Variants in RARB observed in about 807,000 individuals in gnomAD.
The protein encoded by RARB is retinoic acid receptor beta.
A neutral mutation model predicts 51.9 loss-of-function variants in RARB; 17 were observed. That is an observed-to-expected ratio of 0.33 (90% CI 0.22 to 0.49). RARB has a LOEUF of 0.49. Ranked by LOEUF, RARB falls within the 20% of genes least tolerant of loss-of-function variation. The pLI, the probability that RARB is intolerant of heterozygous loss-of-function variation, is 0.99. For missense variants in RARB, 369 were observed against 550.8 expected (o/e 0.67, Z 3.30); for synonymous variants, 215 against 195.4 (o/e 1.10, Z -0.84).
chr3:24,927,786 G>C (rs138883496), intron 2 of RARB, among the ~76,000 whole-genome samples: 378 of 152,036 alleles, frequency 2.5e-3, no homozygotes, highest in Non-Finnish European at 4.8e-3. Flanking sequence ...AGCCGATTTT[G>C]GCATGCATTC....
intron 1 of RARB, among the ~76,000 whole-genome samples, chr3:24,858,052 T>C (rs61318235): frequency 0.064 from 9,800 of 152,246 alleles, 1,065 homozygotes; most frequent in African/African-American, 0.22. Context: ...ATTATATTCT[T>C]TGAATAAAAG....
chr3:25,580,215 A>C (rs113594932), intron 4 of RARB, among the ~76,000 whole-genome samples: 1,741 of 152,320 alleles, frequency 0.011, 29 homozygotes, highest in African/African-American at 0.038. Context: ...TCTGCTAAAA[A>C]TACAAAAGGT....
chr3:25,375,598 A>G (rs1301388462), intron 5 of RARB, among the ~76,000 whole-genome samples: 1 of 152,202 alleles, frequency 6.6e-6, no homozygotes, highest in Non-Finnish European at 1.5e-5. Context: ...TATATAGGTC[A>G]AACAGTGAAT....
chr3:24,916,736 A>C (rs987758706), intron 2 of RARB, among the ~76,000 whole-genome samples: 1 of 135,334 alleles, frequency 7.4e-6, no homozygotes, highest in Non-Finnish European at 1.5e-5. Flanking sequence ...ATTCTATGGC[A>C]TTGCAGTCTC....
At chr3:24,954,387 G>A (rs1026770659) in intron 2 of RARB, among the ~76,000 whole-genome samples, 1 of 152,198 alleles carries the variant, frequency 6.6e-6, no homozygotes, top group Non-Finnish European at 1.5e-5. Context: ...CAAGCTGACA[G>A]CCTGAAAAAA....
At chr3:24,897,000 G>A (rs910651292) in intron 2 of RARB, among the ~76,000 whole-genome samples, 6 of 152,138 alleles carry the variant, frequency 3.9e-5, no homozygotes, top group Non-Finnish European at 8.8e-5. Context: ...AGCCATTGTC[G>A]GTAACTTTAG....
intron 2 of RARB, among the ~76,000 whole-genome samples, chr3:24,981,892 G>T (rs1490136016): frequency 6.6e-6 from 1 of 152,140 alleles, no homozygotes; most frequent in Non-Finnish European, 1.5e-5. Flanking sequence ...CTGTAGACCA[G>T]AGCTATTCCT....
At chr3:24,915,363 A>T (rs978847114) in intron 2 of RARB, among the ~76,000 whole-genome samples, 1 of 152,210 alleles carries the variant, frequency 6.6e-6, no homozygotes, top group Non-Finnish European at 1.5e-5. Context: ...ATTAAAATTT[A>T]ACTGGCATGT....
chr3:25,070,497 T>G (rs1397644280), intron 3 of RARB, among the ~76,000 whole-genome samples: 2 of 151,402 alleles, frequency 1.3e-5, no homozygotes, highest in Non-Finnish European at 2.9e-5. Context: ...GACTCTTAGG[T>G]GCTGTTGGAG....
intron 2 of RARB, among the ~76,000 whole-genome samples, chr3:24,910,023 G>C (rs1158686889): frequency 1.3e-5 from 2 of 152,236 alleles, no homozygotes; most frequent in Non-Finnish European, 1.5e-5. Context: ...TTATTGAAAA[G>C]CTCCTACATA....
chr3:25,365,291 T>C (rs1706083236), intron 5 of RARB, among the ~76,000 whole-genome samples: 1 of 150,428 alleles, frequency 6.6e-6, no homozygotes, highest in Non-Finnish European at 1.5e-5. Context: ...AGCTAATTTT[T>C]TGTGAAGGTG....
chr3:25,300,242 T>A (rs1399522484), intron 5 of RARB, among the ~76,000 whole-genome samples: 1 of 152,220 alleles, frequency 6.6e-6, no homozygotes. Context: ...TATAATTTGT[T>A]CAGCACTGAT....
chr3:25,120,482 G>A (rs945616096), intron 3 of RARB, among the ~76,000 whole-genome samples: 5 of 141,306 alleles, frequency 3.5e-5, no homozygotes, highest in African/African-American at 1.3e-4. Context: ...ACACTGTATG[G>A]GTCAGTACTA....
chr3:24,920,240 T>G (rs1695189666), intron 2 of RARB, among the ~76,000 whole-genome samples: 1 of 152,222 alleles, frequency 6.6e-6, no homozygotes, highest in African/African-American at 2.4e-5. Context: ...ATAGTCCACC[T>G]CTATCCCCAA....
chr3:25,350,831 C>G (rs1705544233), intron 5 of RARB, among the ~76,000 whole-genome samples: 1 of 152,204 alleles, frequency 6.6e-6, no homozygotes, highest in Non-Finnish European at 1.5e-5. Context: ...TGAGGTTTGT[C>G]TCTCTCTGTA....
chr3:25,302,060 G>C (rs558496096), intron 5 of RARB, among the ~76,000 whole-genome samples: 1 of 152,274 alleles, frequency 6.6e-6, no homozygotes, highest in East Asian at 1.9e-4. Context: ...ATAAAAGTGA[G>C]TCATAATCAC....
intron 3 of RARB, among the ~76,000 whole-genome samples, chr3:25,066,221 C>CA (rs1698659158): frequency 1.3e-5 from 2 of 148,900 alleles, no homozygotes; most frequent in Admixed American, 1.3e-4. Flanking sequence ...TCAATTTCTC[C>CA]AATGTAATAT....
chr3:25,402,503 C>T (rs1347163910), intron 5 of RARB, among the ~76,000 whole-genome samples: 2 of 152,178 alleles, frequency 1.3e-5, no homozygotes, highest in Non-Finnish European at 2.9e-5. Context: ...TACCTGCACT[C>T]CTCTGTTTGT....
intron 2 of RARB, among the ~76,000 whole-genome samples, chr3:24,978,094 A>G (rs918637276): frequency 1.1e-4 from 16 of 152,172 alleles, no homozygotes; most frequent in African/African-American, 3.9e-4. Flanking sequence ...CATCCCAGGG[A>G]TGGAGCCCAC....
Sources: allele counts gnomAD v4.1 joint callset (sites outside exome capture counted in the v4.1 genomes callset), GRCh38; gene constraint gnomAD v4.1.1; transcripts MANE v1.5; gene names NCBI Gene and HGNC (gene_info 2026-07-23, HGNC 2026-07-21).